The following PIK3C2G variants were observed in gnomAD, a reference collection of about 807,000 sequenced individuals.
PIK3C2G encodes phosphatidylinositol-4-phosphate 3-kinase catalytic subunit type 2 gamma, also known as phosphatidylinositol 3-kinase C2 domain-containing subunit gamma.
Under a neutral mutation model 181.1 loss-of-function variants are expected in PIK3C2G, and 168 were observed. The ratio of observed to expected loss-of-function variants is 0.93; its 90% confidence interval spans 0.82 to 1.05. The LOEUF (loss-of-function observed/expected upper bound fraction) is 1.05. PIK3C2G is among the 50% of genes least tolerant of loss of function. PIK3C2G has a pLI of 0.00. For missense variants in PIK3C2G, 1,869 were observed against 1,732.8 expected (o/e 1.08, Z -1.40); for synonymous variants, 573 against 592.2 (o/e 0.97, Z 0.47).
chr12:18,381,738 C>G, intron 13 of PIK3C2G, 28 bp from the exon 14 acceptor site: 5 of 1,210,330 alleles, frequency 4.1e-6, no homozygotes, highest in Non-Finnish European at 6.1e-6. Flanking sequence ...TGACTCCTGT[C>G]TGTGTGTGTG....
chr12:18,435,743 C>T (rs919363210), intron 18 of PIK3C2G, among the ~76,000 whole-genome samples: 1 of 152,020 alleles, frequency 6.6e-6, no homozygotes, highest in Non-Finnish European at 1.5e-5. Context: ...ACTTTGCACA[C>T]AGTTTTCCAA....
At chr12:18,342,135 T>C (rs185291868) in intron 9 of PIK3C2G, among the ~76,000 whole-genome samples, 2 of 152,156 alleles carry the variant, frequency 1.3e-5, no homozygotes, top group African/African-American at 2.4e-5. Context: ...TACAAGTTTA[T>C]ATTTCTAAAT....
At position 18,488,511 on chromosome 12, in the gene PIK3C2G, C is replaced by T. The variant is rs779329135; in HGVS notation, c.2567C>T (p.Ala856Val). 4 of 1,569,208 alleles carry T rather than the reference C, an allele frequency of 2.5e-6. No homozygotes were observed. The highest frequency in any genetic ancestry group is 3.5e-6 in the Non-Finnish European group (4 of 1,158,112). Residue 856 changes from alanine to valine, a missense_variant, in exon 19 of 33, where the codon GCT (alanine) becomes GTT (valine). Ala to Val is a moderately conservative substitution (Grantham distance 64, BLOSUM62 0). Transcript: ENST00000538779. The stretch of plus-strand genomic sequence containing the variant: ...AGCTGGTATCAGAAGCTACTAGCTG[C>T]TCTCCAATTCTGTGCAGGTAAAGCC... The part of the protein sequence containing the change: ...FKSWYQKLLA[A>V]LQFCAGKALN...
chr12:18,650,331 C>CTCTCTCTA (rs1555163997), downstream of PIK3C2G, among the ~76,000 whole-genome samples: 7 of 91,984 alleles, frequency 7.6e-5, no homozygotes, highest in Admixed American at 2.4e-4. Context: ...CTCTCTCTCT[C>CTCTCTCTA]TATATATATA....
At chr12:18,599,651 T>C (rs542477686) in intron 30 of PIK3C2G, among the ~76,000 whole-genome samples, 42 of 146,644 alleles carry the variant, frequency 2.9e-4, no homozygotes, top group Non-Finnish European at 4.7e-4. Flanking sequence ...AGTATAATAA[T>C]AAATGAATGA....
intron 18 of PIK3C2G, among the ~76,000 whole-genome samples, chr12:18,481,211 G>A (rs989607446): frequency 2.0e-5 from 3 of 152,142 alleles, no homozygotes; most frequent in African/African-American, 7.2e-5. Context: ...TAGGATTATA[G>A]GCATGAGCCA....
chr12:18,553,160 C>A (rs189201596), intron 26 of PIK3C2G, among the ~76,000 whole-genome samples: 32 of 152,056 alleles, frequency 2.1e-4, no homozygotes, highest in Non-Finnish European at 4.1e-4. Flanking sequence ...AGGCTACAAT[C>A]GTTTACTATT....
intron 15 of PIK3C2G, among the ~76,000 whole-genome samples, chr12:18,398,298 G>A (rs1016370030): frequency 6.6e-6 from 1 of 152,108 alleles, no homozygotes; most frequent in Non-Finnish European, 1.5e-5. Flanking sequence ...AATTTAATCT[G>A]AGCAAATATG....
intron 22 of PIK3C2G, among the ~76,000 whole-genome samples, chr12:18,502,790 T>C (rs1286613308): frequency 2.0e-5 from 3 of 152,092 alleles, no homozygotes; most frequent in Non-Finnish European, 2.9e-5. Flanking sequence ...TGCTGAGTTA[T>C]TCTGTTCACT....
chr12:18,623,988 A>T (rs1435562080), intron 31 of PIK3C2G, among the ~76,000 whole-genome samples: 4 of 151,742 alleles, frequency 2.6e-5, no homozygotes, highest in Admixed American at 6.6e-5. Context: ...AACAAAGATG[A>T]TTTAACTTCT....
chr12:18,600,357 A>C (rs1947641587), intron 30 of PIK3C2G, among the ~76,000 whole-genome samples: 1 of 152,128 alleles, frequency 6.6e-6, no homozygotes, highest in Non-Finnish European at 1.5e-5. Context: ...AAAATTTCTA[A>C]AGACTAGCAA....
downstream of PIK3C2G, among the ~76,000 whole-genome samples, chr12:18,653,408 A>T (rs1950603046): frequency 6.6e-6 from 1 of 152,134 alleles, no homozygotes; most frequent in African/African-American, 2.4e-5. Context: ...AATCTTGAAT[A>T]CTCTCAATGC....
intron 14 of PIK3C2G, among the ~76,000 whole-genome samples, chr12:18,390,193 C>CT (rs926340921): frequency 5.3e-5 from 8 of 152,076 alleles, no homozygotes; most frequent in African/African-American, 1.9e-4. Flanking sequence ...ATTACTAAAA[C>CT]TTTTTCAAAT....
chr12:18,385,653 C>T (rs1226729336), intron 14 of PIK3C2G, among the ~76,000 whole-genome samples: 2 of 152,056 alleles, frequency 1.3e-5, no homozygotes, highest in Non-Finnish European at 2.9e-5. Flanking sequence ...ACTGCAACCT[C>T]CTCCTCCCAG....
intron 3 of PIK3C2G, among the ~76,000 whole-genome samples, chr12:18,290,343 AT>A: frequency 6.6e-6 from 1 of 152,334 alleles, no homozygotes; most frequent in Middle Eastern, 3.4e-3. Context: ...TTTGTGTAAA[AT>A]TCAAGTAGTT....
chr12:18,508,507 C>A (rs1282896481), intron 24 of PIK3C2G, among the ~76,000 whole-genome samples: 1 of 152,088 alleles, frequency 6.6e-6, no homozygotes, highest in Admixed American at 6.5e-5. Flanking sequence ...ATAAGTAGGA[C>A]CTTTGTATTC....
At chr12:18,260,111 G>A (rs1429630879), upstream of PIK3C2G, among the ~76,000 whole-genome samples, 1 of 151,982 alleles carries the variant, frequency 6.6e-6, no homozygotes, top group Admixed American at 6.6e-5. Context: ...TAATCTTTGA[G>A]TTTTATCAAG....
rs147863185 is a variant in PIK3C2G, at chr12:18,274,031, G to A, written c.-78-7973G>A. Among the ~76,000 whole-genome samples, 1,148 of 152,184 alleles carry A rather than the reference G, an allele frequency of 7.5e-3. 8 individuals are homozygous for A. Among genetic ancestry groups the A allele is most frequent in the Non-Finnish European group, 0.014 (923 of 68,004 alleles). ...CTTCTTGAAAGAAGACACTTACACA[G>A]CCAAAAAACACATGAAAAAAATGCT... On this transcript the variant is annotated intron_variant, in intron 1 of 32. Coordinates refer to ENST00000538779, the MANE Select transcript of PIK3C2G (RefSeq NM_001288772.2).
Position 18,438,425 on chromosome 12 carries a change from T to C in PIK3C2G, c.2504+14386T>C, listed in dbSNP as rs541765361. 3.9e-5 allele frequency among the ~76,000 whole-genome samples: 6 copies of C among 152,040 alleles called. No individual in the cohort carries two copies. The South Asian group carries it at 1.0e-3, about 26-fold the overall frequency. On this transcript the variant is annotated intron_variant, in intron 18 of 32. Transcript: ENST00000538779. ...GAGAGAGTGTTGCTAAGAATTCTAA[T>C]CATCTAACTTTTCTGCTTTGACTAC...
Sources: allele counts gnomAD v4.1 joint callset (sites outside exome capture counted in the v4.1 genomes callset), GRCh38; gene constraint gnomAD v4.1.1; transcripts MANE v1.5; gene names NCBI Gene and HGNC (gene_info 2026-07-23, HGNC 2026-07-21).